The following TCERG1L variants were observed in gnomAD, a reference collection of about 807,000 sequenced individuals.
TCERG1L encodes the protein transcription elongation regulator 1-like protein.
TCERG1L carries 37 observed loss-of-function variants against 56.3 expected under a neutral mutation model. That is an observed-to-expected ratio of 0.66 (90% CI 0.51 to 0.87). TCERG1L has a LOEUF of 0.87. TCERG1L is among the 40% of genes least tolerant of loss of function. The pLI is 0.00. For missense variants in TCERG1L, 799 were observed against 774.2 expected, an observed-to-expected ratio of 1.03 and a Z score of -0.38; for synonymous variants, 324 against 326.3, an observed-to-expected ratio of 0.99 and a Z score of 0.08.
intron 4 of TCERG1L, among the ~76,000 whole-genome samples, chr10:131,236,013 G>A (rs1460536568): frequency 2.6e-5 from 4 of 152,224 alleles, no homozygotes; most frequent in African/African-American, 9.6e-5. Context: ...ATGAGCAAAT[G>A]CATGGAATTA....
At chr10:131,266,820 C>T (rs1846291634) in intron 3 of TCERG1L, among the ~76,000 whole-genome samples, 1 of 151,594 alleles carries the variant, frequency 6.6e-6, no homozygotes, top group African/African-American at 2.4e-5. Context: ...ATCTGCTGCT[C>T]TCTGCAGCTG....
chr10:131,133,060 C>A (rs902989638), intron 8 of TCERG1L, among the ~76,000 whole-genome samples: 9 of 152,258 alleles, frequency 5.9e-5, no homozygotes, highest in African/African-American at 2.2e-4. Flanking sequence ...GTGGTGTCTG[C>A]CTATTATCGA....
chr10:131,245,544 G>A (rs1035112668), intron 4 of TCERG1L, among the ~76,000 whole-genome samples: 1 of 152,110 alleles, frequency 6.6e-6, no homozygotes, highest in Non-Finnish European at 1.5e-5. Context: ...CGGCTCTCCG[G>A]GGGCAGCGAC....
chr10:131,116,549 A>G (rs911472183), intron 9 of TCERG1L, among the ~76,000 whole-genome samples: 1 of 152,046 alleles, frequency 6.6e-6, no homozygotes, highest in African/African-American at 2.4e-5. Context: ...GCCTCCACTC[A>G]CTTAGCACCT....
intron 3 of TCERG1L, among the ~76,000 whole-genome samples, chr10:131,275,014 G>A (rs955852234): frequency 2.6e-5 from 4 of 152,110 alleles, no homozygotes; most frequent in Non-Finnish European, 1.5e-5. Flanking sequence ...TCCTGATCCT[G>A]ATCTCGGGCC....
At chr10:131,127,860 A>G (rs1845578990) in intron 8 of TCERG1L, among the ~76,000 whole-genome samples, 1 of 152,062 alleles carries the variant, frequency 6.6e-6, no homozygotes, top group South Asian at 2.1e-4. Flanking sequence ...ATGACAGAGA[A>G]CCACCACGGT....
At chr10:131,212,301 G>C (rs1845628119) in intron 4 of TCERG1L, among the ~76,000 whole-genome samples, 1 of 152,232 alleles carries the variant, frequency 6.6e-6, no homozygotes, top group Non-Finnish European at 1.5e-5. Flanking sequence ...AGGTCTTGAA[G>C]GGAGCATCCT....
At chr10:131,240,600 C>T (rs1035370944) in intron 4 of TCERG1L, among the ~76,000 whole-genome samples, 2 of 152,136 alleles carry the variant, frequency 1.3e-5, no homozygotes, top group African/African-American at 4.8e-5. Flanking sequence ...GTGCTGGAGA[C>T]GGGACAGCAC....
rs369936170 is a variant in TCERG1L at position 131,093,288 on chromosome 10, G to A, written c.1635C>T (p.Tyr545=). 6.6e-5 allele frequency: 107 copies of A among 1,613,706 alleles called. No individual in the cohort carries two copies. Among genetic ancestry groups the A allele is most frequent in the Middle Eastern group, 1.6e-4 (1 of 6,082 alleles). Residue 545 remains tyrosine, a synonymous_variant, in exon 12 of 12, where the codon TAC becomes TAT. Coordinates refer to ENST00000368642, the MANE Select transcript of TCERG1L (RefSeq NM_174937.4). ...CAAGTCGGAACCTCTGATCCCGGCC[G>A]TATTTCTCTGCAAACTCCTTAAACG... ...RTTFKEFAEK[Y]GRDQRFRLVQ...
rs148112736 is a variant in TCERG1L at position 131,163,192 on chromosome 10, C to G, written c.964G>C (p.Gly322Arg). The change falls in exon 6 of 12, where the codon GGG becomes CGG. Residue 322 changes from glycine to arginine, a missense_variant. By Grantham distance (125) the Gly-to-Arg change is moderately radical. Coordinates refer to ENST00000368642, the MANE Select transcript of TCERG1L (RefSeq NM_174937.4). Reference sequence around the variant, plus strand: ...CTGGCTGTGCTGTCCTCTCCTCCCCCCAGCATCGGTGGAGGCTCCTTTCAA... The same window carrying G: ...CTGGCTGTGCTGTCCTCTCCTCCCCGCAGCATCGGTGGAGGCTCCTTTCAA... ...KEDKEPPPML[G>R]GGEDSTARGN... The G allele has an allele frequency of 1.1e-4, 178 of 1,557,144 alleles. No homozygotes were observed. The highest frequency in any genetic ancestry group is 6.7e-4 in the Middle Eastern group (4 of 5,956).
At chr10:131,309,100 G>T in intron 2 of TCERG1L, 53 bp downstream of exon 2, 1 of 1,567,492 alleles carries the variant, frequency 6.4e-7, no homozygotes. Flanking sequence ...GTCGATGTTC[G>T]ACAACTTAAT....
intron 4 of TCERG1L, among the ~76,000 whole-genome samples, chr10:131,199,512 G>T (rs1845404120): frequency 6.6e-6 from 1 of 152,056 alleles, no homozygotes; most frequent in Non-Finnish European, 1.5e-5. Flanking sequence ...TATAACAAGG[G>T]TACCCTTCCC....
intron 6 of TCERG1L, chr10:131,162,883 C>G (rs998492938): frequency 2.6e-6 from 1 of 378,034 alleles, no homozygotes; most frequent in South Asian, 1.3e-4. Context: ...ACAGCATTAT[C>G]ATTTTAATAT....
chr10:131,225,877 C>A (rs1845786103), intron 4 of TCERG1L, among the ~76,000 whole-genome samples: 1 of 152,172 alleles, frequency 6.6e-6, no homozygotes, highest in African/African-American at 2.4e-5. Context: ...TGATATGAAA[C>A]CACTTGAAAA....
intron 6 of TCERG1L, chr10:131,162,285 G>A (rs1220582039): frequency 6.6e-6 from 1 of 152,280 alleles, no homozygotes; most frequent in Non-Finnish European, 1.5e-5. Flanking sequence ...GCTACAAATG[G>A]AAGGCTGGAG....
At chr10:131,116,955 G>A in intron 8 of TCERG1L, 21 bp from the exon 9 acceptor site, 1 of 1,602,500 alleles carries the variant, frequency 6.2e-7, no homozygotes, top group Middle Eastern at 1.7e-4. Flanking sequence ...ACAAGACGCA[G>A]AGTTAGACAC....
intron 8 of TCERG1L, among the ~76,000 whole-genome samples, chr10:131,125,062 A>T (rs774961164): frequency 6.6e-6 from 1 of 152,236 alleles, no homozygotes; most frequent in Non-Finnish European, 1.5e-5. Context: ...AATGCATTTA[A>T]GGTATTTAAC....
At chr10:131,206,047 T>C (rs2944482) in intron 4 of TCERG1L, among the ~76,000 whole-genome samples, 75,635 of 151,724 alleles carry the variant, frequency 0.5, 19,055 homozygotes, top group South Asian at 0.67. Flanking sequence ...TCTGGAAGAC[T>C]CTGAAAGGGC....
rs186638306 is a variant in TCERG1L at position 131,102,584 on chromosome 10, A to G, written c.1485+1681T>C. ...TGGTGTGAGAAATCCAGTGGACACC[A>G]ACATGGGGGCCCCTGGTCACAGAAC... is the stretch of plus-strand genomic sequence containing the variant. On this transcript the variant is annotated intron_variant, in intron 10 of 11. Transcript: ENST00000368642. Among the ~76,000 whole-genome samples, 660 of 152,326 alleles carry G rather than the reference A, an allele frequency of 4.3e-3. 6 individuals are homozygous for G. Among genetic ancestry groups the G allele is most frequent in the African/African-American group, 0.015 (623 of 41,588 alleles).
Sources: gnomAD v4.1 joint callset for allele counts (sites outside exome capture counted in the v4.1 genomes callset) on GRCh38, gnomAD v4.1.1 for gene constraint, MANE v1.5 for transcripts, NCBI Gene and HGNC (gene_info 2026-07-23, HGNC 2026-07-21) for gene names.